The following SGCD variants were observed in gnomAD, a reference collection of about 807,000 sequenced individuals.
SGCD encodes delta-sarcoglycan.
SGCD carries 18 observed loss-of-function variants against 36.6 expected under a neutral mutation model. The ratio of observed to expected loss-of-function variants is 0.49; its 90% confidence interval spans 0.34 to 0.73. The LOEUF (loss-of-function observed/expected upper bound fraction) is 0.73, where lower values mean the gene tolerates loss of function less well. Among genes scored for constraint, SGCD ranks in the 30% least tolerant of loss-of-function variants. SGCD has a pLI of 0.01. For missense variants in SGCD, 387 were observed against 346.7 expected (o/e 1.12, Z -0.92); for synonymous variants, 133 against 130.6 (o/e 1.02, Z -0.12).
the SGCD span, among the ~76,000 whole-genome samples, chr5:155,728,544 T>C: frequency 6.6e-6 from 1 of 152,220 alleles, no homozygotes; most frequent in South Asian, 2.1e-4. Context: ...GCGCGCTGTC[T>C]GCTCCAGCCG....
At chr5:156,668,754 A>G (rs1009113201) in intron 7 of SGCD, among the ~76,000 whole-genome samples, 1 of 152,164 alleles carries the variant, frequency 6.6e-6, no homozygotes, top group African/African-American at 2.4e-5. Context: ...TATCTGGTGG[A>G]GTGTAGGAAG....
chr5:156,487,810 A>G (rs1561728612), intron 3 of SGCD, among the ~76,000 whole-genome samples: 12 of 140,482 alleles, frequency 8.5e-5, no homozygotes, highest in African/African-American at 3.3e-4. Flanking sequence ...AAAAAAAAAA[A>G]AAAAAAGAAA....
chr5:155,928,981 C>T (rs755243424), intron 1 of SGCD, among the ~76,000 whole-genome samples: 4 of 152,014 alleles, frequency 2.6e-5, no homozygotes, highest in Non-Finnish European at 5.9e-5. Flanking sequence ...TCTTTATTTA[C>T]TTTTTAAATG....
At chr5:155,879,655 T>C (rs1414486578) in intron 1 of SGCD, among the ~76,000 whole-genome samples, 2 of 152,190 alleles carry the variant, frequency 1.3e-5, no homozygotes, top group African/African-American at 2.4e-5. Flanking sequence ...GCATTGTTTT[T>C]CCTCTCAAAC....
chr5:156,588,987 A>ATT (rs1475060178), intron 4 of SGCD, among the ~76,000 whole-genome samples: 1 of 114,662 alleles, frequency 8.7e-6, no homozygotes, highest in African/African-American at 4.1e-5. Context: ...GGGAATCTAT[A>ATT]TTGTGTGTGT....
intron 3 of SGCD, among the ~76,000 whole-genome samples, chr5:156,200,706 A>T (rs920898047): frequency 6.6e-6 from 1 of 152,302 alleles, no homozygotes; most frequent in African/African-American, 2.4e-5. Context: ...ATATTTAATT[A>T]CCATGTTATG....
chr5:156,505,094 C>CT (rs1581091084), intron 3 of SGCD, among the ~76,000 whole-genome samples: 2 of 152,154 alleles, frequency 1.3e-5, no homozygotes, highest in African/African-American at 4.8e-5. Context: ...GAAATGATCA[C>CT]TAATAATGCA....
At chr5:155,739,719 C>G in the SGCD span, among the ~76,000 whole-genome samples, 22 of 152,142 alleles carry the variant, frequency 1.4e-4, no homozygotes, top group Non-Finnish European at 4.4e-5. Context: ...TTTAGTTTGG[C>G]TAGTGTAAAA....
intron 1 of SGCD, among the ~76,000 whole-genome samples, chr5:155,967,066 A>G (rs1212730765): frequency 1.3e-5 from 2 of 151,820 alleles, no homozygotes; most frequent in African/African-American, 2.4e-5. Context: ...TTGGAGATCA[A>G]TTATGATAAC....
At chr5:156,325,994 C>T (rs553918375), upstream of SGCD, among the ~76,000 whole-genome samples, 4 of 152,290 alleles carry the variant, frequency 2.6e-5, 1 homozygote, top group African/African-American at 9.6e-5. Context: ...ATCTGGCAAG[C>T]CAGTTCTTTA....
intron 3 of SGCD, among the ~76,000 whole-genome samples, chr5:156,382,939 C>A (rs908930940): frequency 1.3e-5 from 2 of 152,152 alleles, no homozygotes; most frequent in African/African-American, 2.4e-5. Flanking sequence ...TGGCAAATAA[C>A]TATTTAGCAT....
At chr5:155,994,989 CGTCT>C (rs1194868951) in intron 1 of SGCD, among the ~76,000 whole-genome samples, 1 of 152,176 alleles carries the variant, frequency 6.6e-6, no homozygotes, top group African/African-American at 2.4e-5. Context: ...TGAGCTCAGT[CGTCT>C]GTCCGTGTAC....
intron 3 of SGCD, among the ~76,000 whole-genome samples, chr5:156,180,131 C>G (rs1268317019): frequency 6.6e-6 from 1 of 152,208 alleles, no homozygotes; most frequent in Non-Finnish European, 1.5e-5. Context: ...GTTTTCACCT[C>G]TATGAATATA....
intron 3 of SGCD, among the ~76,000 whole-genome samples, chr5:156,493,902 G>A (rs7720984): frequency 0.31 from 47,032 of 151,910 alleles, 8,286 homozygotes; most frequent in African/African-American, 0.48. Flanking sequence ...TCACATCTTT[G>A]TACCTGCCTC....
chr5:156,133,955 ACACACAG>A (rs1561533611), intron 3 of SGCD, among the ~76,000 whole-genome samples: 45 of 136,624 alleles, frequency 3.3e-4, no homozygotes, highest in African/African-American at 1.2e-3. Context: ...ACACACACAC[ACACACAG>A]TTTCTCTCTG....
intron 7 of SGCD, among the ~76,000 whole-genome samples, chr5:156,672,541 A>C (rs1753339564): frequency 6.6e-6 from 1 of 152,198 alleles, no homozygotes; most frequent in African/African-American, 2.4e-5. Flanking sequence ...TGTCTTCACC[A>C]AACCCACAGG....
intron 7 of SGCD, among the ~76,000 whole-genome samples, chr5:156,700,014 A>T (rs1165884193): frequency 1.3e-5 from 2 of 152,174 alleles, no homozygotes; most frequent in Non-Finnish European, 2.9e-5. Flanking sequence ...ATGAAGAAAG[A>T]AGTCCAATCT....
In SGCD at chr5:156,001,530, C is replaced by A. The variant is rs138822898; in HGVS notation, c.-281-116348C>A. ...ATAGCATGTCTCTATCTCATTGTCT[C>A]GATTTTGAACTGTCAATGTTTTCCA... On this transcript the variant is annotated intron_variant, in intron 1 of 9. Transcript: ENST00000517913. 5.9e-3 allele frequency among the ~76,000 whole-genome samples: 897 copies of A among 152,224 alleles called. 13 individuals are homozygous for A. The highest frequency in any genetic ancestry group is 0.02 in the African/African-American group (838 of 41,534).
At chr5:156,581,422 G>A (rs1439009846) in intron 4 of SGCD, among the ~76,000 whole-genome samples, 3 of 152,162 alleles carry the variant, frequency 2.0e-5, no homozygotes, top group African/African-American at 4.8e-5. Flanking sequence ...AAGCCCAAAC[G>A]CTGTGCTGGG....
Sources: allele counts gnomAD v4.1 joint callset (sites outside exome capture counted in the v4.1 genomes callset), GRCh38; gene constraint gnomAD v4.1.1; transcripts MANE v1.5; gene names NCBI Gene and HGNC (gene_info 2026-07-23, HGNC 2026-07-21).